Variants in TMC1 observed in about 807,000 individuals in gnomAD.
TMC1 encodes transmembrane channel-like protein 1.
In TMC1, 84 loss-of-function variants were observed where a neutral mutation model predicts 105.8. The ratio of observed to expected loss-of-function variants is 0.79; its 90% CI spans 0.67 to 0.95. The LOEUF is 0.95. Among genes scored for constraint, TMC1 ranks in the 40% least tolerant of loss-of-function variants. The pLI, the probability that TMC1 is intolerant of heterozygous loss-of-function variation, is 0.00. For missense variants in TMC1, 817 were observed against 914.1 expected, an observed-to-expected ratio of 0.89 and a Z score of 1.37; for synonymous variants, 315 against 311.5, an observed-to-expected ratio of 1.01 and a Z score of -0.12.
chr9:72,650,058 T>C (rs750551333), intron 5 of TMC1, among the ~76,000 whole-genome samples: 1 of 152,210 alleles, frequency 6.6e-6, no homozygotes, highest in Non-Finnish European at 1.5e-5. Flanking sequence ...TTATTTTAAT[T>C]ATGAATGTAA....
intron 8 of TMC1, among the ~76,000 whole-genome samples, chr9:72,710,412 T>C (rs886211297): frequency 2.0e-5 from 3 of 152,210 alleles, no homozygotes; most frequent in African/African-American, 7.2e-5. Flanking sequence ...ACTTTCTGTC[T>C]TGATGACCTG....
intron 1 of TMC1, among the ~76,000 whole-genome samples, chr9:72,557,930 G>T (rs548047881): frequency 2.6e-5 from 4 of 152,234 alleles, no homozygotes; most frequent in African/African-American, 9.6e-5. Flanking sequence ...TCCACAGCTG[G>T]GTCAGTGTGG....
rs549260617 is a variant in TMC1 at position 72,571,464 on chromosome 9, T to C, written c.-427-6438T>C. On this transcript the variant is annotated intron_variant, in intron 1 of 23. Coordinates refer to ENST00000297784, the MANE Select transcript of TMC1 (RefSeq NM_138691.3). The stretch of plus-strand genomic sequence containing the variant: ...ACGCTTTTTTTTTTTTTCTTTTTTT[T>C]TGAGGTGGAGTCTCGCTCTGTCGCC... Among the ~76,000 whole-genome samples the C allele has an allele frequency of 5.2e-3, 791 of 151,356 alleles. 2 individuals carry two copies. Among genetic ancestry groups the C allele is most frequent in the Middle Eastern group, 0.017 (5 of 292 alleles).
At chr9:72,574,091 C>T (rs1311094438) in intron 1 of TMC1, among the ~76,000 whole-genome samples, 1 of 152,220 alleles carries the variant, frequency 6.6e-6, no homozygotes, top group Non-Finnish European at 1.5e-5. Flanking sequence ...TAGCCTCCAG[C>T]TCCATCCATG....
chr9:72,826,903 AC>A lies in TMC1; in HGVS notation c.2041del (p.Leu681TrpfsTer13). The stretch of plus-strand genomic sequence containing the variant: ...TAGAATGTTTGAAGTCATTGGAGAG[AC>A]CCTGGAGCACGATTTCCCAAGCTGG... ...KNRMFEVIGE[T>X]LEHDFPSWMA... is the part of the protein sequence containing the mutation. On this transcript the variant is annotated frameshift_variant, in exon 21 of 24. Coordinates refer to ENST00000297784, the MANE Select transcript of TMC1 (RefSeq NM_138691.3). LOFTEE classifies it high-confidence loss of function. 1 of 1,614,016 alleles carries A rather than the reference AC, an allele frequency of 6.2e-7. No homozygotes were observed. Among genetic ancestry groups the A allele is most frequent in the Non-Finnish European group, 8.5e-7 (1 of 1,179,932 alleles).
At chr9:72,818,715 G>T (rs1315916857) in intron 19 of TMC1, 1 of 152,172 alleles carries the variant, frequency 6.6e-6, no homozygotes, top group Non-Finnish European at 1.5e-5. Flanking sequence ...GTGTTACAAT[G>T]ATTTTTACTG....
At chr9:72,705,986 A>G (rs1353788428) in intron 8 of TMC1, among the ~76,000 whole-genome samples, 2 of 152,196 alleles carry the variant, frequency 1.3e-5, no homozygotes, top group Non-Finnish European at 2.9e-5. Context: ...AGGTGCTTCA[A>G]ACTGTCAGCT....
intron 17 of TMC1, among the ~76,000 whole-genome samples, chr9:72,802,183 A>C (rs1302436016): frequency 6.6e-6 from 1 of 152,116 alleles, no homozygotes; most frequent in Non-Finnish European, 1.5e-5. Flanking sequence ...GCTTGAGTCC[A>C]GGAGTTCCAG....
chr9:72,719,458 A>G (rs1361412896), intron 8 of TMC1, among the ~76,000 whole-genome samples: 1 of 152,142 alleles, frequency 6.6e-6, no homozygotes, highest in African/African-American at 2.4e-5. Flanking sequence ...CTGGACCTTT[A>G]GGTTCCCCAG....
chr9:72,817,656 C>G (rs899407365), intron 19 of TMC1, among the ~76,000 whole-genome samples: 5 of 152,184 alleles, frequency 3.3e-5, no homozygotes, highest in Non-Finnish European at 7.3e-5. Flanking sequence ...AGAGTTAAGA[C>G]AACAGATTGG....
At chr9:72,584,541 A>G (rs1824523413) in intron 2 of TMC1, among the ~76,000 whole-genome samples, 1 of 152,044 alleles carries the variant, frequency 6.6e-6, no homozygotes, top group Non-Finnish European at 1.5e-5. Flanking sequence ...TGTTGAGATT[A>G]CAGGCATGAG....
intron 19 of TMC1, among the ~76,000 whole-genome samples, chr9:72,817,549 G>T (rs1320000600): frequency 6.6e-6 from 1 of 152,172 alleles, no homozygotes; most frequent in African/African-American, 2.4e-5. Context: ...AGAAACCACT[G>T]TTCTATCAGT....
chr9:72,701,346 A>G (rs1826642818), intron 8 of TMC1, among the ~76,000 whole-genome samples: 1 of 152,182 alleles, frequency 6.6e-6, no homozygotes, highest in South Asian at 2.1e-4. Flanking sequence ...CTTCATATGA[A>G]AAGTCAAATG....
At chr9:72,711,089 A>G (rs1244244563) in intron 8 of TMC1, among the ~76,000 whole-genome samples, 1 of 152,214 alleles carries the variant, frequency 6.6e-6, no homozygotes, top group Non-Finnish European at 1.5e-5. Flanking sequence ...CCTGCAAAAG[A>G]CATTAACTCA....
At chr9:72,656,559 G>T (rs1446385260) in intron 5 of TMC1, among the ~76,000 whole-genome samples, 1 of 151,920 alleles carries the variant, frequency 6.6e-6, no homozygotes, top group Non-Finnish European at 1.5e-5. Flanking sequence ...GTTGTTATCT[G>T]TTACTTCTAT....
chr9:72,750,567 G>A (rs541206309), intron 10 of TMC1, among the ~76,000 whole-genome samples: 3 of 151,522 alleles, frequency 2.0e-5, no homozygotes, highest in Non-Finnish European at 1.5e-5. Flanking sequence ...CTCTCCCAAT[G>A]AGAATTAACC....
chr9:72,529,111 TAATCAGGGA>T (rs1823453866), intron 1 of TMC1, among the ~76,000 whole-genome samples: 1 of 146,594 alleles, frequency 6.8e-6, no homozygotes, highest in Non-Finnish European at 1.5e-5. Flanking sequence ...TTTTTTTTTT[TAATCAGGGA>T]CTGAAGCATC....
At chr9:72,668,939 A>T (rs1826084990) in intron 5 of TMC1, among the ~76,000 whole-genome samples, 1 of 152,128 alleles carries the variant, frequency 6.6e-6, no homozygotes, top group South Asian at 2.1e-4. Flanking sequence ...TTTCCTCAAA[A>T]TTTTCTCTCA....
intron 2 of TMC1, among the ~76,000 whole-genome samples, chr9:72,603,509 G>A (rs937355702): frequency 4.6e-5 from 7 of 152,090 alleles, no homozygotes; most frequent in African/African-American, 1.7e-4. Context: ...CATCTCCTTA[G>A]AGAACCTTAC....
Sources: gnomAD v4.1 joint callset for allele counts (sites outside exome capture counted in the v4.1 genomes callset) on GRCh38, gnomAD v4.1.1 for gene constraint, MANE v1.5 for transcripts, NCBI Gene and HGNC (gene_info 2026-07-23, HGNC 2026-07-21) for gene names.